Variants in FRMD3 observed in about 807,000 individuals in gnomAD.
The protein encoded by FRMD3 is FERM domain containing 3, also known as FERM domain-containing protein 3.
FRMD3 carries 33 observed loss-of-function variants against 70.2 expected under a neutral mutation model. The observed-to-expected ratio is 0.47, with a 90% CI of 0.36 to 0.63. FRMD3 has a LOEUF of 0.63. FRMD3 is among the 20% of genes least tolerant of loss of function. The pLI is 0.00. For synonymous variants in FRMD3, 279 were observed against 255.9 expected, an observed-to-expected ratio of 1.09 and a Z score of -0.86; for missense variants, 632 against 711.4, an observed-to-expected ratio of 0.89 and a Z score of 1.27.
intron 1 of FRMD3, among the ~76,000 whole-genome samples, chr9:83,395,248 G>C (rs1006381866): frequency 2.1e-5 from 3 of 146,066 alleles, no homozygotes; most frequent in African/African-American, 7.6e-5. Flanking sequence ...AATAGTATTT[G>C]CCTCCCAGAA....
At chr9:83,551,503 G>A in the FRMD3 span, among the ~76,000 whole-genome samples, 5 of 152,284 alleles carry the variant, frequency 3.3e-5, no homozygotes, top group Admixed American at 2.0e-4. Context: ...ATGAGTTGGG[G>A]AGAAGTCCCT....
Position 83,311,993 on chromosome 9 carries a change from GAAAA to G in FRMD3, c.685-22_685-19del. ...GTTGAATCCTGAAAAAAAAAAAAAA[GAAAA>G]AAGAAAAATCTGTTTAGATTGAGAA... On this transcript the variant is annotated intron_variant, in intron 7 of 13. Transcript: ENST00000304195. 7.5e-7 allele frequency: 1 copy of G among 1,330,060 alleles called. No individual in the cohort carries two copies. Among genetic ancestry groups the G allele is most frequent in the South Asian group, 1.3e-5 (1 of 75,960 alleles). 82.4% of individuals were successfully genotyped at this position (1,330,060 alleles called of 1,614,324 possible).
intron 8 of FRMD3, among the ~76,000 whole-genome samples, chr9:83,311,562 G>A (rs556641816): frequency 1.4e-4 from 22 of 152,196 alleles, no homozygotes; most frequent in African/African-American, 5.1e-4. Flanking sequence ...AGTTGTTCAT[G>A]GGAACTCACA....
At chr9:83,486,670 A>G (rs991629658) in intron 1 of FRMD3, among the ~76,000 whole-genome samples, 3 of 152,154 alleles carry the variant, frequency 2.0e-5, no homozygotes, top group African/African-American at 7.2e-5. Flanking sequence ...GACAAGGGGG[A>G]CCTAATTAAA....
At chr9:83,370,816 G>A (rs867369952) in intron 3 of FRMD3, among the ~76,000 whole-genome samples, 20 of 152,110 alleles carry the variant, frequency 1.3e-4, no homozygotes, top group African/African-American at 4.3e-4. Context: ...GGAGGCTGAG[G>A]CACAAGAATC....
chr9:83,254,267 T>TA (rs1013005655), intron 13 of FRMD3, among the ~76,000 whole-genome samples: 5 of 151,392 alleles, frequency 3.3e-5, no homozygotes, highest in Non-Finnish European at 4.4e-5. Context: ...AGTATGATAA[T>TA]AAAAAAAATA....
At chr9:83,415,516 C>T (rs1826408245) in intron 1 of FRMD3, among the ~76,000 whole-genome samples, 1 of 147,548 alleles carries the variant, frequency 6.8e-6, no homozygotes, top group Non-Finnish European at 1.5e-5. Flanking sequence ...GATCTCGGCT[C>T]ACTCCAAGTT....
upstream of FRMD3, among the ~76,000 whole-genome samples, chr9:83,541,075 T>C (rs1306019210): frequency 2.6e-5 from 4 of 152,200 alleles, no homozygotes; most frequent in Admixed American, 6.5e-5. Flanking sequence ...CCTGCTTTGT[T>C]TGAAGATCCT....
At chr9:83,493,461 G>A (rs564412506) in intron 1 of FRMD3, among the ~76,000 whole-genome samples, 15 of 152,266 alleles carry the variant, frequency 9.9e-5, no homozygotes, top group African/African-American at 1.4e-4. Flanking sequence ...CTAACCTGGC[G>A]CTTCCCAAAA....
At position 83,416,745 on chromosome 9, in the gene FRMD3, GTCTCTCTCTCTCTCTCTC is replaced by G. The variant is rs1184226415; in HGVS notation, c.148-27055_148-27038del. 3.3e-4 allele frequency among the ~76,000 whole-genome samples: 34 copies of G among 102,288 alleles called. No individual in the cohort carries two copies. The East Asian group carries it at 9.6e-3, about 29-fold the overall frequency. 67.1% of individuals were successfully genotyped at this position (102,288 alleles called of 152,430 possible). A position where few individuals can be genotyped will look rare whatever the true frequency, so the allele number is the denominator to read the frequency against. On this transcript the variant is annotated intron_variant, in intron 1 of 13. Coordinates refer to ENST00000304195, the MANE Select transcript of FRMD3 (RefSeq NM_174938.6). ...GGATGTCCCTAAAACATTTCTCTCT[GTCTCTCTCTCTCTCTCTC>G]TCTCTCTCTCTCTCTCTCTCTCTCA...
At chr9:83,368,128 C>T (rs1405198748) in intron 3 of FRMD3, among the ~76,000 whole-genome samples, 1 of 152,028 alleles carries the variant, frequency 6.6e-6, no homozygotes, top group African/African-American at 2.4e-5. Context: ...ATGAAACAGA[C>T]CAGTGGTTGC....
At chr9:83,320,038 T>C (rs2889231) in intron 6 of FRMD3, among the ~76,000 whole-genome samples, 110,172 of 152,160 alleles carry the variant, frequency 0.72, 40,327 homozygotes, top group African/African-American at 0.81. Context: ...ATTCATTTAT[T>C]AAATCTAAGA....
chr9:83,537,832 C>T lies in FRMD3; in HGVS notation c.147+253G>A, dbSNP rs997237079. Among the ~76,000 whole-genome samples, 22 of 150,754 alleles carry T rather than the reference C, an allele frequency of 1.5e-4. No homozygotes were observed. The highest frequency in any genetic ancestry group is 4.9e-4 in the African/African-American group (20 of 40,942). On this transcript the variant is annotated intron_variant, in intron 1 of 13. Coordinates refer to ENST00000304195, the MANE Select transcript of FRMD3 (RefSeq NM_174938.6). The surrounding 1 kb of genome is among the most constrained non-coding windows in gnomAD (Gnocchi z 4.1). The stretch of plus-strand genomic sequence containing the variant: ...CCCCTAGCCCGGGCGCAGTGAGACG[C>T]GCGCGCAGGGTGCACGCGAGGGGAA...
At chr9:83,244,380 A>G (rs1394759529), downstream of FRMD3, among the ~76,000 whole-genome samples, 1 of 152,148 alleles carries the variant, frequency 6.6e-6, no homozygotes, top group African/African-American at 2.4e-5. Flanking sequence ...TTAACTTAAT[A>G]TCATGAATTA....
the FRMD3 span, among the ~76,000 whole-genome samples, chr9:83,550,782 G>A: frequency 6.6e-6 from 1 of 151,310 alleles, no homozygotes; most frequent in Non-Finnish European, 1.5e-5. Flanking sequence ...CAGTTTGGTT[G>A]TTAGTGGTGT....
intron 1 of FRMD3, among the ~76,000 whole-genome samples, chr9:83,509,023 C>T (rs1242807390): frequency 2.7e-5 from 4 of 146,350 alleles, no homozygotes; most frequent in Non-Finnish European, 6.0e-5. Flanking sequence ...CCCTCCTTGC[C>T]TCCTCCCCAA....
chr9:83,285,997 T>C (rs1053173863), intron 13 of FRMD3, among the ~76,000 whole-genome samples: 1 of 152,216 alleles, frequency 6.6e-6, no homozygotes, highest in African/African-American at 2.4e-5. Context: ...ATTTTGTTTT[T>C]TCTCCACCCT....
At chr9:83,292,160 ACTTT>A (rs368378708) in intron 12 of FRMD3, among the ~76,000 whole-genome samples, 4,303 of 92,486 alleles carry the variant, frequency 0.047, 119 homozygotes, top group African/African-American at 0.11. Context: ...ATTAATAAAT[ACTTT>A]TTTTTTTTTT....
intron 1 of FRMD3, among the ~76,000 whole-genome samples, chr9:83,450,954 T>C (rs1416891096): frequency 1.3e-5 from 2 of 152,060 alleles, no homozygotes; most frequent in South Asian, 4.2e-4. Flanking sequence ...GTTTAATAAG[T>C]CCCCAAATGT....
Sources: gnomAD v4.1 joint callset for allele counts (sites outside exome capture counted in the v4.1 genomes callset) on GRCh38, gnomAD v4.1.1 for gene constraint, Gnocchi (gnomAD v3.1) non-coding constraint, MANE v1.5 for transcripts, NCBI Gene and HGNC (gene_info 2026-07-23, HGNC 2026-07-21) for gene names.